Variants in EPHA5 observed in about 807,000 individuals in gnomAD.
The protein encoded by EPHA5 is ephrin type-A receptor 5.
A neutral mutation model predicts 105.0 loss-of-function variants in EPHA5; 60 were observed. The ratio of observed to expected loss-of-function variants is 0.57; its 90% confidence interval spans 0.46 to 0.71. EPHA5 has a LOEUF of 0.71. Ranked by LOEUF, EPHA5 falls within the 30% of genes least tolerant of loss-of-function variation. The pLI is 0.00. For synonymous variants in EPHA5, 513 were observed against 449.1 expected (o/e 1.14, Z -1.80); for missense variants, 1,218 against 1,274.7 (o/e 0.96, Z 0.68).
chr4:65,534,307 T>C (rs1038166421), intron 3 of EPHA5, among the ~76,000 whole-genome samples: 4 of 152,174 alleles, frequency 2.6e-5, no homozygotes, highest in South Asian at 2.1e-4. Flanking sequence ...ATCACAATAA[T>C]ATTGTTACTG....
chr4:65,569,386 G>C (rs1739887138), intron 3 of EPHA5, among the ~76,000 whole-genome samples: 1 of 151,538 alleles, frequency 6.6e-6, no homozygotes, highest in South Asian at 2.1e-4. Flanking sequence ...GCCATTGTAA[G>C]CTAGTTAGCA....
intron 3 of EPHA5, among the ~76,000 whole-genome samples, chr4:65,539,708 G>T (rs144929381): frequency 1.3e-5 from 2 of 151,612 alleles, no homozygotes; most frequent in Admixed American, 1.3e-4. Context: ...TTTCTTAAAA[G>T]CATACTGTTT....
intron 2 of EPHA5, among the ~76,000 whole-genome samples, chr4:65,625,486 A>G (rs1001800512): frequency 6.6e-6 from 1 of 152,340 alleles, no homozygotes; most frequent in East Asian, 1.9e-4. Context: ...AACTGATGCC[A>G]GCTATCACAT....
At chr4:65,629,273 G>A (rs1746419168) in intron 2 of EPHA5, among the ~76,000 whole-genome samples, 1 of 152,184 alleles carries the variant, frequency 6.6e-6, no homozygotes, top group Admixed American at 6.5e-5. Flanking sequence ...GCAATCACAA[G>A]GGTGACTTTC....
intron 2 of EPHA5, among the ~76,000 whole-genome samples, chr4:65,631,591 C>T (rs889015329): frequency 9.9e-5 from 15 of 152,070 alleles, no homozygotes; most frequent in Admixed American, 7.9e-4. Context: ...GGCAACATCA[C>T]ACACTGAGTC....
At chr4:65,497,222 GATA>G (rs1732034337) in intron 3 of EPHA5, among the ~76,000 whole-genome samples, 1 of 152,072 alleles carries the variant, frequency 6.6e-6, no homozygotes, top group African/African-American at 2.4e-5. Flanking sequence ...AGAAATTTCT[GATA>G]GACTAAATGA....
At chr4:65,398,529 G>A (rs1467166608) in intron 8 of EPHA5, among the ~76,000 whole-genome samples, 1 of 152,110 alleles carries the variant, frequency 6.6e-6, no homozygotes, top group African/African-American at 2.4e-5. Flanking sequence ...CTGAAGCCTG[G>A]GGGCTAAGCT....
intron 7 of EPHA5, among the ~76,000 whole-genome samples, chr4:65,409,100 A>G (rs1433386948): frequency 4.9e-5 from 7 of 142,384 alleles, no homozygotes; most frequent in African/African-American, 1.8e-4. Flanking sequence ...ACAAAAAACC[A>G]AACACCGCAT....
intron 3 of EPHA5, among the ~76,000 whole-genome samples, chr4:65,535,291 T>C (rs1736186142): frequency 6.6e-6 from 1 of 152,148 alleles, no homozygotes; most frequent in African/African-American, 2.4e-5. Flanking sequence ...ATCCCCATTG[T>C]CTGTGGCAGG....
intron 3 of EPHA5, among the ~76,000 whole-genome samples, chr4:65,584,371 T>A (rs1741920081): frequency 1.3e-5 from 2 of 152,016 alleles, no homozygotes; most frequent in South Asian, 4.1e-4. Flanking sequence ...AAATATATTT[T>A]TAAAATACAA....
chr4:65,664,072 A>T (rs1013966203), intron 1 of EPHA5, among the ~76,000 whole-genome samples: 5 of 151,940 alleles, frequency 3.3e-5, no homozygotes, highest in African/African-American at 9.6e-5. Context: ...AATCTATCTC[A>T]TGAACTGAAT....
intron 1 of EPHA5, among the ~76,000 whole-genome samples, chr4:65,658,026 C>A (rs1749226133): frequency 1.3e-5 from 2 of 150,476 alleles, no homozygotes; most frequent in South Asian, 2.1e-4. Flanking sequence ...TTCTAGTCAA[C>A]CTTTACTTTT....
intron 15 of EPHA5, among the ~76,000 whole-genome samples, chr4:65,333,945 C>G (rs1577837464): frequency 6.6e-6 from 1 of 151,766 alleles, no homozygotes; most frequent in Non-Finnish European, 1.5e-5. Context: ...TTTCTCAAAA[C>G]CTATCATTGT....
chr4:65,645,527 G>A (rs530982855), intron 1 of EPHA5, among the ~76,000 whole-genome samples: 1 of 151,974 alleles, frequency 6.6e-6, no homozygotes, highest in African/African-American at 2.4e-5. Flanking sequence ...TATGAAATAT[G>A]AAGTATTATC....
At chr4:65,615,229 G>T (rs1338609299) in intron 2 of EPHA5, among the ~76,000 whole-genome samples, 1 of 151,568 alleles carries the variant, frequency 6.6e-6, no homozygotes, top group East Asian at 1.9e-4. Flanking sequence ...GAAAAAAATG[G>T]CAGGTACAAT....
intron 5 of EPHA5, among the ~76,000 whole-genome samples, chr4:65,475,095 G>A (rs974497093): frequency 1.3e-5 from 2 of 152,068 alleles, no homozygotes; most frequent in Admixed American, 6.5e-5. Context: ...GTCACTCAAA[G>A]GTAATAGATT....
intron 3 of EPHA5, chr4:65,574,322 G>A (rs1740564068): frequency 1.4e-5 from 21 of 1,474,914 alleles, no homozygotes; most frequent in South Asian, 1.2e-4. Context: ...ACAAATTGGT[G>A]TTCTAAATGT....
At chr4:65,432,624 G>A (rs924126081) in intron 5 of EPHA5, among the ~76,000 whole-genome samples, 3 of 151,904 alleles carry the variant, frequency 2.0e-5, no homozygotes, top group Non-Finnish European at 2.9e-5. Context: ...CTTGAGTGCA[G>A]TGGTGCAATC....
intron 3 of EPHA5, chr4:65,574,181 T>C (rs1272328264): frequency 2.1e-5 from 33 of 1,603,664 alleles, no homozygotes; most frequent in Admixed American, 5.0e-5. Flanking sequence ...AAGGGAAATA[T>C]GAGATTACGG....
Sources: allele counts gnomAD v4.1 joint callset (sites outside exome capture counted in the v4.1 genomes callset), GRCh38; gene constraint gnomAD v4.1.1; transcripts MANE v1.5; gene names NCBI Gene and HGNC (gene_info 2026-07-23, HGNC 2026-07-21).